Variants in WIPI2 observed in about 807,000 individuals in gnomAD.
The protein encoded by WIPI2 is WD repeat domain, phosphoinositide interacting 2.
In WIPI2, 28 loss-of-function variants were observed where a neutral mutation model predicts 52.3. That is an observed-to-expected ratio of 0.54 (90% CI 0.40 to 0.73). The LOEUF (loss-of-function observed/expected upper bound fraction) is 0.73, where lower values mean the gene tolerates loss of function less well. Among genes scored for constraint, WIPI2 ranks in the 30% least tolerant of loss-of-function variants. The probability of loss-of-function intolerance (pLI) is 0.00; values close to 1 mark genes in which losing one functional copy is unlikely to be tolerated. For synonymous variants in WIPI2, 268 were observed against 245.0 expected (o/e 1.09, Z -0.88); for missense variants, 506 against 602.9 (o/e 0.84, Z 1.68).
chr7:5,210,201 G>A (rs1052233044), intron 3 of WIPI2, among the ~76,000 whole-genome samples: 8 of 152,190 alleles, frequency 5.3e-5, no homozygotes, highest in African/African-American at 1.2e-4. Context: ...GAGCCCCTGC[G>A]CCTGGCCTGT....
chr7:5,228,336 G>A (rs557325623), intron 11 of WIPI2, 125 bp downstream of exon 11: 24 of 901,406 alleles, frequency 2.7e-5, no homozygotes, highest in South Asian at 1.3e-4. Context: ...CCAGCACAGC[G>A]GCCCATGCCG....
At chr7:5,226,148 G>A in intron 9 of WIPI2, 1 of 557,014 alleles carries the variant, frequency 1.8e-6, no homozygotes, top group Non-Finnish European at 3.2e-6. Context: ...AGCACGCAGG[G>A]TAGACAGAGC....
chr7:5,219,664 G>A (rs1051200220), intron 7 of WIPI2, among the ~76,000 whole-genome samples: 3 of 152,318 alleles, frequency 2.0e-5, no homozygotes, highest in African/African-American at 4.8e-5. Context: ...CACGGTAGAC[G>A]TGCGCCACAA....
chr7:5,217,596 C>G (rs1214882931), intron 6 of WIPI2: 2 of 426,778 alleles, frequency 4.7e-6, no homozygotes, highest in Admixed American at 7.4e-5. Context: ...GCGCCCAGCC[C>G]CACTGCTCTC....
intron 3 of WIPI2, among the ~76,000 whole-genome samples, chr7:5,211,200 G>A (rs539422440): frequency 3.3e-5 from 5 of 152,282 alleles, no homozygotes; most frequent in East Asian, 1.9e-4. Context: ...GGCTGGGAGC[G>A]GTGGCTCACG....
chr7:5,192,049 A>G (rs1176275325), intron 1 of WIPI2, among the ~76,000 whole-genome samples: 1 of 152,142 alleles, frequency 6.6e-6, no homozygotes, highest in Non-Finnish European at 1.5e-5. Flanking sequence ...CTGCTCTGCC[A>G]TGCTGTTTTT....
At chr7:5,210,172 G>C (rs547766287) in intron 3 of WIPI2, among the ~76,000 whole-genome samples, 1 of 152,336 alleles carries the variant, frequency 6.6e-6, no homozygotes, top group Non-Finnish European at 1.5e-5. Flanking sequence ...GCCTCCCAAA[G>C]TGATGGGACT....
intron 1 of WIPI2, 157 bp downstream of exon 1, chr7:5,190,650 A>C: frequency 1.6e-6 from 1 of 634,652 alleles, no homozygotes; most frequent in Non-Finnish European, 2.3e-6. Flanking sequence ...CGGGGCGTGC[A>C]GGGAGGGGCG....
In WIPI2 at chr7:5,228,093, A is replaced by G. The variant is rs11763996; in HGVS notation, c.1014-11A>G. 47,640 of 1,613,362 alleles carry G rather than the reference A, an allele frequency of 0.03. 870 individuals are homozygous for G. The highest frequency in any genetic ancestry group is 0.08 in the Middle Eastern group (483 of 6,058). On this transcript the variant is annotated splice_polypyrimidine_tract_variant and intron_variant, in intron 10 of 12. Transcript: ENST00000288828. ...GTTGTCTAGAATTTGGCTGCTCTTT[A>G]TTCTCCCTAGAATTCAGAAGATCCC...
chr7:5,227,079 C>T lies in WIPI2; in HGVS notation c.849-101C>T. On this transcript the variant is annotated intron_variant, in intron 9 of 12. Transcript: ENST00000288828. This position sits in a 1 kb window ranked among gnomAD's most constrained non-coding sequence, Gnocchi z 8.1. ...TTAATTTTCCTGTGAAGAATGGAGA[C>T]TTTTGCTGTCGGCTCCAGAGCTGTG... 1 of 1,486,440 alleles carries T rather than the reference C, an allele frequency of 6.7e-7. No homozygotes were observed. The highest frequency in any genetic ancestry group is 2.3e-5 in the East Asian group (1 of 43,884). 92.1% of individuals were successfully genotyped at this position (1,486,440 alleles called of 1,614,324 possible).
rs772496302 is a variant in WIPI2, at chr7:5,190,408, G to C, written c.-12G>C. On this transcript the variant is annotated 5_prime_UTR_variant, in exon 1 of 13. Transcript: ENST00000288828. ...CCCTCCCCGGCCGGGCCCACTCGCC[G>C]CGCGCCCAGCCATGAACCTGGCGAG... The C allele has an allele frequency of 7.2e-7, 1 of 1,396,182 alleles. No homozygotes were observed. Among genetic ancestry groups the C allele is most frequent in the Non-Finnish European group, 9.4e-7 (1 of 1,068,872 alleles). 86.5% of individuals were successfully genotyped at this position (1,396,182 alleles called of 1,614,324 possible). A position where few individuals can be genotyped will look rare whatever the true frequency, so the allele number is the denominator to read the frequency against.
rs918942003 is a variant in WIPI2 at position 5,222,818 on chromosome 7, C to T, written c.740+146C>T. The T allele has an allele frequency of 2.2e-4, 166 of 763,966 alleles. 1 individual carries two copies. The highest frequency in any genetic ancestry group is 1.1e-3 in the South Asian group (69 of 60,374). The allele number at this position is 763,966 out of a possible 1,614,324, so 47.3% of individuals were successfully genotyped here. On this transcript the variant is annotated intron_variant, in intron 8 of 12. Transcript: ENST00000288828. ...GCTGGGTCACCGGGTAAGATCTGGG[C>T]GTCGGTCTTGTCATGGGAATTGAAG...
At position 5,229,206 on chromosome 7, in the gene WIPI2, G is replaced by A. The variant is rs150291406; in HGVS notation, c.1122-402G>A. On this transcript the variant is annotated intron_variant, in intron 11 of 12. Transcript: ENST00000288828. ...AATTTTTTGTATTTTTAGTAGAGAC[G>A]GGGTTTCACTGTGTTAGCCAGGATG... Among the ~76,000 whole-genome samples, 566 of 152,258 alleles carry A rather than the reference G, an allele frequency of 3.7e-3. 6 individuals carry two copies. Among genetic ancestry groups the A allele is most frequent in the African/African-American group, 0.013 (529 of 41,532 alleles).
intron 1 of WIPI2, among the ~76,000 whole-genome samples, chr7:5,192,852 G>C (rs1225293725): frequency 6.6e-6 from 1 of 152,190 alleles, no homozygotes; most frequent in Non-Finnish European, 1.5e-5. Context: ...TGACCGTCTA[G>C]AACTCACATT....
In WIPI2 at chr7:5,227,894, G is replaced by A. The variant is rs1391292027; in HGVS notation, c.1014-210G>A. On this transcript the variant is annotated intron_variant, in intron 10 of 12. Transcript: ENST00000288828. This position sits in a 1 kb window ranked among gnomAD's most constrained non-coding sequence, Gnocchi z 8.1. ...GAAGCCACAAAACTGGTTTCATCCC[G>A]CTCTCGTCTCCCGTGGGCTTCAGGG... Among the ~76,000 whole-genome samples the A allele has an allele frequency of 1.3e-5, 2 of 152,166 alleles. No homozygotes were observed. The highest frequency in any genetic ancestry group is 6.5e-5 in the Admixed American group (1 of 15,276).
chr7:5,221,281 G>T (rs897578441), intron 7 of WIPI2, among the ~76,000 whole-genome samples: 3 of 151,968 alleles, frequency 2.0e-5, no homozygotes, highest in African/African-American at 7.3e-5. Context: ...TAATTCTTTT[G>T]TATTTTAGTA....
At chr7:5,193,333 C>T in intron 2 of WIPI2, 162 bp downstream of exon 2, 1 of 1,440,214 alleles carries the variant, frequency 6.9e-7, no homozygotes, top group Non-Finnish European at 9.1e-7. Context: ...GTGGATACCA[C>T]AGCTTGTGGG....
chr7:5,215,761 G>A (rs1047920475), intron 4 of WIPI2, among the ~76,000 whole-genome samples: 3 of 152,208 alleles, frequency 2.0e-5, no homozygotes, highest in Admixed American at 1.3e-4. Flanking sequence ...TTTAAAAATT[G>A]TGTTCACGTC....
intron 5 of WIPI2, 136 bp from the exon 6 acceptor site, chr7:5,216,954 A>G: frequency 1.0e-6 from 1 of 986,260 alleles, no homozygotes; most frequent in Non-Finnish European, 1.5e-6. Context: ...AACTTTCCTA[A>G]CACAGCAAAC....
Sources: gnomAD v4.1 joint callset for allele counts (sites outside exome capture counted in the v4.1 genomes callset) on GRCh38, gnomAD v4.1.1 for gene constraint, Gnocchi (gnomAD v3.1) non-coding constraint, MANE v1.5 for transcripts, NCBI Gene and HGNC (gene_info 2026-07-23, HGNC 2026-07-21) for gene names.